AAMDC: variants seen among roughly 807,000 people sequenced by gnomAD.
AAMDC encodes adipogenesis associated Mth938 domain containing.
Under a neutral mutation model 15.5 loss-of-function variants are expected in AAMDC, and 16 were observed. The ratio of observed to expected loss-of-function variants is 1.03; its 90% confidence interval spans 0.70 to 1.57. AAMDC has a LOEUF of 1.57. Among genes scored for constraint, AAMDC ranks in the 40% most tolerant of loss-of-function variants. The pLI is 0.00. For synonymous variants in AAMDC, 51 were observed against 51.6 expected (o/e 0.99, Z 0.05); for missense variants, 141 against 144.9 (o/e 0.97, Z 0.14).
intron 2 of AAMDC, chr11:77,850,900 T>C (rs1590950069): frequency 6.6e-6 from 1 of 151,208 alleles, no homozygotes; most frequent in East Asian, 2.0e-4. Flanking sequence ...TTCTCCTCTA[T>C]AACTACAATT....
At chr11:77,838,859 G>A (rs1302351691) in intron 1 of AAMDC, among the ~76,000 whole-genome samples, 7 of 151,900 alleles carry the variant, frequency 4.6e-5, no homozygotes, top group Admixed American at 2.0e-4. Context: ...CTCGTGATCC[G>A]CCCACCTGGG....
At chr11:77,868,354 C>T (rs886638895) in intron 2 of AAMDC, among the ~76,000 whole-genome samples, 5 of 143,174 alleles carry the variant, frequency 3.5e-5, no homozygotes, top group Admixed American at 7.2e-5. Context: ...CACGCCCAGC[C>T]GCCTTTTTTT....
chr11:77,843,582 C>T (rs567089619), intron 2 of AAMDC, among the ~76,000 whole-genome samples: 3 of 152,236 alleles, frequency 2.0e-5, no homozygotes, highest in African/African-American at 7.2e-5. Flanking sequence ...TACATGTGCA[C>T]AGATTCTTAC....
At chr11:77,903,550 G>T (rs1448104191), downstream of AAMDC, 12 of 1,613,728 alleles carry the variant, frequency 7.4e-6, no homozygotes, top group Non-Finnish European at 1.0e-5. Flanking sequence ...CTGTTTCGCT[G>T]CTGCTGAGGC....
intron 2 of AAMDC, among the ~76,000 whole-genome samples, chr11:77,853,079 G>A (rs1195481614): frequency 6.6e-6 from 1 of 152,168 alleles, no homozygotes; most frequent in African/African-American, 2.4e-5. Flanking sequence ...TGCTTAAAGA[G>A]TAAATGTAAA....
intron 2 of AAMDC, chr11:77,869,306 C>CTCTTTTTTT (rs1555014194): frequency 2.5e-5 from 3 of 120,402 alleles, no homozygotes; most frequent in Admixed American, 9.1e-5. Context: ...TTATTTATCT[C>CTCTTTTTTT]TTTTTCTTTT....
At chr11:77,850,523 C>T (rs1295113702) in intron 2 of AAMDC, 1 of 151,740 alleles carries the variant, frequency 6.6e-6, no homozygotes, top group Non-Finnish European at 1.5e-5. Flanking sequence ...TTTTGTTAGA[C>T]TGAAAGGGGT....
chr11:77,821,512 C>CT (rs1948899136), intron 1 of AAMDC, among the ~76,000 whole-genome samples: 1 of 151,952 alleles, frequency 6.6e-6, no homozygotes, highest in Non-Finnish European at 1.5e-5. Flanking sequence ...GAACGGAACT[C>CT]TGGGGGAATC....
chr11:77,857,699 G>GTT (rs780960090), intron 2 of AAMDC, among the ~76,000 whole-genome samples: 16 of 137,692 alleles, frequency 1.2e-4, no homozygotes, highest in Admixed American at 2.9e-4. Flanking sequence ...CAACTAAGTT[G>GTT]TTTTTTTTTT....
At chr11:77,863,416 G>C (rs940053233) in intron 2 of AAMDC, among the ~76,000 whole-genome samples, 1 of 152,190 alleles carries the variant, frequency 6.6e-6, no homozygotes, top group Non-Finnish European at 1.5e-5. Context: ...GAAGAGTGCA[G>C]TTGCAAGATT....
At chr11:77,870,398 G>A (rs4448713) in intron 3 of AAMDC, among the ~76,000 whole-genome samples, 20,070 of 141,474 alleles carry the variant, frequency 0.14, 1,534 homozygotes, top group Admixed American at 0.21. Flanking sequence ...GTGCAGTGGC[G>A]CCATCTTGGC....
intron 1 of AAMDC, among the ~76,000 whole-genome samples, chr11:77,827,236 A>G (rs1949221240): frequency 6.6e-6 from 1 of 152,238 alleles, no homozygotes; most frequent in African/African-American, 2.4e-5. Flanking sequence ...ATCAATACCA[A>G]TGCTTCACAA....
chr11:77,872,326 AGAG>A lies in AAMDC; in HGVS notation c.*15_*17del, dbSNP rs1299404430. On this transcript the variant is annotated 3_prime_UTR_variant, in exon 4 of 4. Coordinates refer to ENST00000393427, the MANE Select transcript of AAMDC (RefSeq NM_024684.4). ...CATTCCACCTGCTGATGGAGCCTTA[AGAG>A]GAGAATAAATCACTAAGTGCCTATG... 3.1e-6 allele frequency: 5 copies of A among 1,607,916 alleles called. No homozygotes were observed. The Admixed American group carries it at 6.8e-5, about 22-fold the overall frequency.
intron 1 of AAMDC, among the ~76,000 whole-genome samples, chr11:77,823,727 TTAAA>T (rs1705045471): frequency 6.6e-6 from 1 of 152,008 alleles, no homozygotes; most frequent in African/African-American, 2.4e-5. Context: ...TTAACTGACC[TTAAA>T]TAAAAGCCAG....
chr11:77,870,809 TATAG>T (rs1329503937), intron 3 of AAMDC, among the ~76,000 whole-genome samples: 9 of 152,218 alleles, frequency 5.9e-5, no homozygotes, highest in Admixed American at 2.6e-4. Context: ...CACTTACACA[TATAG>T]ATATACGTTT....
At chr11:77,850,404 C>T (rs1333709465) in intron 2 of AAMDC, among the ~76,000 whole-genome samples, 1 of 152,110 alleles carries the variant, frequency 6.6e-6, no homozygotes, top group African/African-American at 2.4e-5. Context: ...CCCATACTTT[C>T]CTTCTGTTTT....
chr11:77,845,785 T>G (rs1950121768), intron 2 of AAMDC, among the ~76,000 whole-genome samples: 1 of 152,206 alleles, frequency 6.6e-6, no homozygotes, highest in South Asian at 2.1e-4. Flanking sequence ...TATTTTTTAT[T>G]TGGTAAGATA....
intron 5 of AAMDC, among the ~76,000 whole-genome samples, chr11:77,897,385 G>A (rs1214773015): frequency 1.3e-5 from 2 of 150,716 alleles, no homozygotes; most frequent in Non-Finnish European, 3.0e-5. Flanking sequence ...AAATAAAGAA[G>A]GATATACAAG....
chr11:77,877,193 T>C, downstream of AAMDC: 1 of 575,310 alleles, frequency 1.7e-6, no homozygotes, highest in Non-Finnish European at 3.1e-6. Flanking sequence ...CTAGGACAGG[T>C]TACTTATTTC....
Sources: allele counts gnomAD v4.1 joint callset (sites outside exome capture counted in the v4.1 genomes callset), GRCh38; gene constraint gnomAD v4.1.1; transcripts MANE v1.5; gene names NCBI Gene and HGNC (gene_info 2026-07-23, HGNC 2026-07-21).